Variants in FYN observed in about 807,000 individuals in gnomAD.
FYN encodes the protein tyrosine-protein kinase Fyn.
Under a neutral mutation model 70.2 loss-of-function variants are expected in FYN, and 10 were observed. The ratio of observed to expected loss-of-function variants is 0.14; its 90% CI spans 0.09 to 0.24. The LOEUF (loss-of-function observed/expected upper bound fraction) is 0.24, where lower values mean the gene tolerates loss of function less well. FYN is among the 10% of genes least tolerant of loss of function. The probability of loss-of-function intolerance (pLI) is 1.00; values close to 1 mark genes in which losing one functional copy is unlikely to be tolerated. For missense variants in FYN, 319 were observed against 673.1 expected (o/e 0.47, Z 5.82); for synonymous variants, 236 against 248.6 (o/e 0.95, Z 0.48).
intron 2 of FYN, among the ~76,000 whole-genome samples, chr6:111,830,088 T>C (rs973084005): frequency 2.0e-5 from 3 of 152,108 alleles, no homozygotes; most frequent in Non-Finnish European, 4.4e-5. Flanking sequence ...AGACAGATGG[T>C]ATGGAAAAGT....
chr6:111,762,848 C>T (rs944271231), intron 3 of FYN, among the ~76,000 whole-genome samples: 10 of 152,060 alleles, frequency 6.6e-5, no homozygotes, highest in African/African-American at 2.4e-4. Context: ...CCTGCCACCA[C>T]AGGTAACTAA....
intron 2 of FYN, among the ~76,000 whole-genome samples, chr6:111,815,801 C>G (rs1304171461): frequency 6.6e-6 from 1 of 151,690 alleles, no homozygotes; most frequent in East Asian, 1.9e-4. Flanking sequence ...TCATTGCAGC[C>G]TCAACCTGGG....
chr6:111,760,586 C>G (rs571640700), intron 3 of FYN, among the ~76,000 whole-genome samples: 129 of 152,326 alleles, frequency 8.5e-4, no homozygotes, highest in Non-Finnish European at 1.7e-3. Context: ...AGGAGAAAGG[C>G]AGCAGTGGCG....
chr6:111,758,710 C>G (rs17072881), intron 3 of FYN: 21,498 of 152,358 alleles, frequency 0.14, 2,491 homozygotes, highest in African/African-American at 0.32. Context: ...GCCATCCCAA[C>G]AAGATGTTTC....
chr6:111,769,408 T>A (rs1052429340), intron 3 of FYN, among the ~76,000 whole-genome samples: 1 of 152,220 alleles, frequency 6.6e-6, no homozygotes, highest in African/African-American at 2.4e-5. Context: ...TTTTGTCATT[T>A]TCTCCCCTGA....
chr6:111,805,079 G>A (rs1772105684), intron 2 of FYN, among the ~76,000 whole-genome samples: 1 of 151,866 alleles, frequency 6.6e-6, no homozygotes, highest in African/African-American at 2.4e-5. Flanking sequence ...CTGCTACCCC[G>A]AGATAAACAC....
At chr6:111,712,802 T>C (rs1028265773) in intron 5 of FYN, among the ~76,000 whole-genome samples, 14 of 152,234 alleles carry the variant, frequency 9.2e-5, no homozygotes, top group African/African-American at 3.4e-4. Flanking sequence ...CTTCTTGACC[T>C]GGCTGGTGGC....
intron 3 of FYN, among the ~76,000 whole-genome samples, chr6:111,725,368 A>G (rs923271743): frequency 6.6e-6 from 1 of 152,168 alleles, no homozygotes; most frequent in Non-Finnish European, 1.5e-5. Context: ...GCACCTTTCA[A>G]TCCTTTACAA....
chr6:111,840,739 T>C (rs1773333473), intron 2 of FYN, among the ~76,000 whole-genome samples: 1 of 152,242 alleles, frequency 6.6e-6, no homozygotes, highest in Non-Finnish European at 1.5e-5. Context: ...GCAGCTCTGC[T>C]CTTAAAAGTA....
At chr6:111,839,360 A>C in intron 2 of FYN, among the ~76,000 whole-genome samples, 1 of 152,144 alleles carries the variant, frequency 6.6e-6, no homozygotes, top group Non-Finnish European at 1.5e-5. Context: ...TCTCCTATGT[A>C]GCATGGGGAA....
intron 5 of FYN, among the ~76,000 whole-genome samples, chr6:111,710,645 C>T (rs1469977595): frequency 1.3e-5 from 2 of 152,094 alleles, no homozygotes; most frequent in Admixed American, 1.3e-4. Context: ...ATGTAGTAAA[C>T]CTCACATGTT....
At chr6:111,717,292 GA>G (rs1014462990) in intron 4 of FYN, among the ~76,000 whole-genome samples, 198 of 146,548 alleles carry the variant, frequency 1.4e-3, no homozygotes, top group African/African-American at 2.0e-3. Flanking sequence ...ATCTGAAATT[GA>G]AAAAAAAAAG....
intron 3 of FYN, among the ~76,000 whole-genome samples, chr6:111,737,300 G>A (rs542909017): frequency 6.6e-6 from 1 of 152,192 alleles, no homozygotes; most frequent in South Asian, 2.1e-4. Flanking sequence ...ACAGGTTGAG[G>A]GCTTAGTTTC....
Position 111,670,926 on chromosome 6 carries a change from A to G in FYN, c.1405+3573T>C, listed in dbSNP as rs563407385. On this transcript the variant is annotated intron_variant, in intron 13 of 13. Transcript: ENST00000354650. The stretch of plus-strand genomic sequence containing the variant: ...ACTTAAGTCTTTTTATTTCTCACAT[A>G]CAACAATCCATCAGTATGAAATCAG... 7.9e-5 allele frequency among the ~76,000 whole-genome samples: 12 copies of G among 152,380 alleles called. No homozygotes were observed. In the East Asian group the frequency reaches 2.3e-3, roughly 29 times the overall value.
intron 3 of FYN, among the ~76,000 whole-genome samples, chr6:111,752,718 GGGA>G (rs965142251): frequency 2.0e-5 from 3 of 152,176 alleles, no homozygotes; most frequent in Admixed American, 2.0e-4. Flanking sequence ...GAGCTCAGAG[GGGA>G]GGCTCTGAAG....
chr6:111,662,573 TTTA>T (rs1197683092), intron 13 of FYN, among the ~76,000 whole-genome samples: 1 of 152,230 alleles, frequency 6.6e-6, no homozygotes, highest in East Asian at 1.9e-4. Context: ...ATTGTTGAAT[TTTA>T]TTGTGTGTAG....
chr6:111,694,448 A>G lies in FYN; in HGVS notation c.1200T>C (p.Asn400=). The change falls in exon 12 of 14, where the codon AAT becomes AAC. Residue 400 remains asparagine, a synonymous_variant. Coordinates refer to ENST00000354650, the MANE Select transcript of FYN (RefSeq NM_002037.5). This position sits in a 1 kb window ranked among gnomAD's most constrained non-coding sequence, Gnocchi z 5.0. ...DLRSANILVG[N]GLICKIADFG... ...AGTCAGCAATCTTGCATATGAGTCC[A>G]TTCCCCACTAGAATGTTTGCTGATC... is the stretch of plus-strand genomic sequence containing the variant. 1 of 1,614,238 alleles carries G rather than the reference A, an allele frequency of 6.2e-7. No individual in the cohort carries two copies. The highest frequency in any genetic ancestry group is 8.5e-7 in the Non-Finnish European group (1 of 1,180,040).
At position 111,710,212 on chromosome 6, in the gene FYN, C is replaced by A. The variant is rs960688496; in HGVS notation, c.345-2192G>T. Reference sequence around the variant, plus strand: ...CTTATTGTTTTTTAATGCAAGATAACCTTCATCAAGTTAGTTCTAATTGAA... The same window carrying A: ...CTTATTGTTTTTTAATGCAAGATAAACTTCATCAAGTTAGTTCTAATTGAA... On this transcript the variant is annotated intron_variant, in intron 5 of 13. Transcript: ENST00000354650. Among the ~76,000 whole-genome samples the A allele has an allele frequency of 3.3e-5, 5 of 152,230 alleles. No individual in the cohort carries two copies. The Middle Eastern group carries it at 0.014, about 414-fold the overall frequency.
rs980248191 is a variant in FYN, at chr6:111,802,390, G to A, written c.-81-21755C>T. ...TCTTGTACAGCCTGTGGAACTCTGA[G>A]CCAATTAAACCTCTTTTCTTTATAA... is the stretch of plus-strand genomic sequence containing the variant. On this transcript the variant is annotated intron_variant, in intron 2 of 13. Transcript: ENST00000354650. Among the ~76,000 whole-genome samples the A allele has an allele frequency of 4.6e-5, 7 of 152,102 alleles. No individual in the cohort carries two copies. In the East Asian group the frequency reaches 1.4e-3, roughly 29 times the overall value.
Sources: gnomAD v4.1 joint callset for allele counts (sites outside exome capture counted in the v4.1 genomes callset) on GRCh38, gnomAD v4.1.1 for gene constraint, Gnocchi (gnomAD v3.1) non-coding constraint, MANE v1.5 for transcripts, NCBI Gene and HGNC (gene_info 2026-07-23, HGNC 2026-07-21) for gene names.